DDR2: variants seen among roughly 807,000 people sequenced by gnomAD.
DDR2 encodes the protein discoidin domain receptor tyrosine kinase 2.
DDR2 carries 27 observed loss-of-function variants against 94.9 expected under a neutral mutation model. The observed-to-expected ratio is 0.28, with a 90% CI of 0.21 to 0.39. The LOEUF (loss-of-function observed/expected upper bound fraction) is 0.39, where lower values mean the gene tolerates loss of function less well. Ranked by LOEUF, DDR2 falls within the 10% of genes least tolerant of loss-of-function variation. The pLI is 1.00. For synonymous variants in DDR2, 382 were observed against 377.2 expected (o/e 1.01, Z -0.15); for missense variants, 783 against 1,076.0 (o/e 0.73, Z 3.81).
At chr1:162,764,404 AAAAAAAAG>A (rs1356561028) in intron 9 of DDR2, among the ~76,000 whole-genome samples, 3 of 151,614 alleles carry the variant, frequency 2.0e-5, no homozygotes, top group African/African-American at 4.8e-5. Flanking sequence ...AAAAAAAAAA[AAAAAAAAG>A]AAATGTCCAA....
At chr1:162,743,654 C>T (rs1020754562) in intron 3 of DDR2, among the ~76,000 whole-genome samples, 2 of 152,142 alleles carry the variant, frequency 1.3e-5, no homozygotes, top group African/African-American at 4.8e-5. Context: ...AGTGATAATA[C>T]ACAAAAATCT....
chr1:162,651,089 C>T (rs905304329), intron 1 of DDR2, among the ~76,000 whole-genome samples: 5 of 152,054 alleles, frequency 3.3e-5, no homozygotes, highest in African/African-American at 7.2e-5. Context: ...CATTATTGTA[C>T]ATCAGGCTTT....
chr1:162,687,889 C>T (rs879555707), intron 2 of DDR2, among the ~76,000 whole-genome samples: 2 of 152,070 alleles, frequency 1.3e-5, no homozygotes, highest in Non-Finnish European at 2.9e-5. Context: ...CTTTTGGGTG[C>T]CCTTTTATAT....
At chr1:162,696,565 C>G (rs1254964512) in intron 2 of DDR2, among the ~76,000 whole-genome samples, 1 of 151,844 alleles carries the variant, frequency 6.6e-6, no homozygotes, top group Non-Finnish European at 1.5e-5. Context: ...CCTCCTTGGC[C>G]AAAGCTGAGT....
At chr1:162,633,599 T>C (rs995855256) in intron 1 of DDR2, among the ~76,000 whole-genome samples, 1 of 152,244 alleles carries the variant, frequency 6.6e-6, no homozygotes, top group Non-Finnish European at 1.5e-5. Context: ...AGATTCTCTC[T>C]ACTGCTAGTC....
chr1:162,719,618 C>A (rs2102031749), intron 3 of DDR2, among the ~76,000 whole-genome samples: 1 of 152,156 alleles, frequency 6.6e-6, no homozygotes, highest in South Asian at 2.1e-4. Context: ...TGTGGCCATG[C>A]TAAAAATAGA....
At position 162,662,222 on chromosome 1, in the gene DDR2, C is replaced by T. The variant is rs115873303; in HGVS notation, c.-28+6848C>T. 5.0e-3 allele frequency among the ~76,000 whole-genome samples: 760 copies of T among 152,340 alleles called. 5 individuals carry two copies. The highest frequency in any genetic ancestry group is 0.017 in the African/African-American group (724 of 41,570). ...GTATTCATTCATTCATTCATTCACT[C>T]ATTCATTCATTCACTCAGTGAATAT... On this transcript the variant is annotated intron_variant, in intron 2 of 17. Coordinates refer to ENST00000367921, the MANE Select transcript of DDR2 (RefSeq NM_006182.4).
chr1:162,706,806 C>T (rs1251056834), intron 2 of DDR2, among the ~76,000 whole-genome samples: 2 of 152,130 alleles, frequency 1.3e-5, no homozygotes, highest in African/African-American at 4.8e-5. Context: ...GGTGTTTAAT[C>T]GCCTGGAACA....
chr1:162,686,793 G>A (rs111991043), intron 2 of DDR2, among the ~76,000 whole-genome samples: 3 of 152,196 alleles, frequency 2.0e-5, no homozygotes, highest in Admixed American at 6.5e-5. Flanking sequence ...GGCCAGGCTG[G>A]TCTTGAACTC....
chr1:162,725,987 C>G (rs566789215), intron 3 of DDR2, among the ~76,000 whole-genome samples: 20 of 152,322 alleles, frequency 1.3e-4, no homozygotes, highest in African/African-American at 4.6e-4. Context: ...TTTGAAAAGA[C>G]TATTAGCAGA....
chr1:162,656,675 T>TTAGAATGAA (rs1273175342), intron 2 of DDR2, among the ~76,000 whole-genome samples: 1 of 151,954 alleles, frequency 6.6e-6, no homozygotes, highest in Admixed American at 6.6e-5. Flanking sequence ...AGTGTATATT[T>TTAGAATGAA]TAGAATGAAT....
intron 14 of DDR2, among the ~76,000 whole-genome samples, chr1:162,774,665 CA>C (rs1482966269): frequency 7.2e-5 from 11 of 152,096 alleles, no homozygotes; most frequent in Non-Finnish European, 1.3e-4. Context: ...AAAACCAAAC[CA>C]AACCACAGGA....
intron 17 of DDR2, 62 bp from the exon 18 acceptor site, chr1:162,780,050 C>T (rs2102210718): frequency 2.5e-6 from 4 of 1,609,126 alleles, no homozygotes; most frequent in Non-Finnish European, 3.4e-6. Context: ...TTCCCTTTCC[C>T]CCGTCTTTGT....
At chr1:162,699,550 G>T (rs1238695795) in intron 2 of DDR2, among the ~76,000 whole-genome samples, 1 of 152,162 alleles carries the variant, frequency 6.6e-6, no homozygotes, top group East Asian at 1.9e-4. Flanking sequence ...ACAGCTCGAG[G>T]CTAAATGTGG....
chr1:162,769,267 A>G (rs957525605), intron 11 of DDR2, among the ~76,000 whole-genome samples: 32 of 152,204 alleles, frequency 2.1e-4, no homozygotes, highest in Non-Finnish European at 3.5e-4. Context: ...GAGTAAGATG[A>G]CTCAAGGTGC....
At chr1:162,727,334 A>G (rs750245462) in intron 3 of DDR2, among the ~76,000 whole-genome samples, 6 of 142,180 alleles carry the variant, frequency 4.2e-5, no homozygotes, top group Non-Finnish European at 9.0e-5. Flanking sequence ...TATAATAAAT[A>G]TACACACATA....
chr1:162,671,586 C>T (rs1226527595), intron 2 of DDR2, among the ~76,000 whole-genome samples: 2 of 152,096 alleles, frequency 1.3e-5, no homozygotes, highest in Admixed American at 6.5e-5. Context: ...TTTCCTTCTC[C>T]TCTGTGTTCT....
intron 3 of DDR2, among the ~76,000 whole-genome samples, chr1:162,721,588 A>C (rs1275728985): frequency 1.3e-5 from 2 of 152,242 alleles, no homozygotes; most frequent in African/African-American, 4.8e-5. Context: ...GCATAAAGTC[A>C]GCATATGATA....
At chr1:162,718,550 T>G (rs943569867) in intron 2 of DDR2, among the ~76,000 whole-genome samples, 40 of 152,186 alleles carry the variant, frequency 2.6e-4, no homozygotes, top group African/African-American at 8.9e-4. Context: ...TGAATCATTT[T>G]GGGGAAACCT....
Sources: gnomAD v4.1 joint callset for allele counts (sites outside exome capture counted in the v4.1 genomes callset) on GRCh38, gnomAD v4.1.1 for gene constraint, MANE v1.5 for transcripts, NCBI Gene and HGNC (gene_info 2026-07-23, HGNC 2026-07-21) for gene names.